AKAP19: variants seen among roughly 807,000 people sequenced by gnomAD.
AKAP19 encodes the protein A-kinase anchoring protein 19, also known as small A-kinase anchoring protein.
At chr2:189,954,222 G>A in the AKAP19 span, among the ~76,000 whole-genome samples, 2 of 152,172 alleles carry the variant, frequency 1.3e-5, no homozygotes, top group African/African-American at 2.4e-5. Context: ...TAAGAAAACA[G>A]CTATTTTCTC....
chr2:190,086,795 C>G, the AKAP19 span, among the ~76,000 whole-genome samples: 1 of 152,172 alleles, frequency 6.6e-6, no homozygotes, highest in Non-Finnish European at 1.5e-5. Flanking sequence ...GAGACATGGT[C>G]TTCCCTCTGT....
At chr2:189,989,660 C>T in the AKAP19 span, among the ~76,000 whole-genome samples, 4 of 151,952 alleles carry the variant, frequency 2.6e-5, no homozygotes, top group East Asian at 7.7e-4. Context: ...AATAATACAA[C>T]TATGACAAAT....
the AKAP19 span, among the ~76,000 whole-genome samples, chr2:190,020,119 A>AC: frequency 6.6e-6 from 1 of 152,200 alleles, no homozygotes; most frequent in Admixed American, 6.5e-5. Flanking sequence ...GACTGTTAGC[A>AC]CCAAGTCAGC....
At chr2:190,162,880 T>C in the AKAP19 span, among the ~76,000 whole-genome samples, 1 of 152,194 alleles carries the variant, frequency 6.6e-6, no homozygotes, top group South Asian at 2.1e-4. Context: ...AGAAATTATA[T>C]ATTTGTCTAG....
the AKAP19 span, among the ~76,000 whole-genome samples, chr2:189,898,376 G>A: frequency 1.3e-5 from 2 of 152,044 alleles, no homozygotes; most frequent in Admixed American, 6.6e-5. Flanking sequence ...CAGCTTATTG[G>A]TGATTTGAAA....
the AKAP19 span, among the ~76,000 whole-genome samples, chr2:189,938,142 C>T: frequency 3.3e-5 from 5 of 152,102 alleles, no homozygotes; most frequent in South Asian, 4.2e-4. Flanking sequence ...TCGAGACCAG[C>T]CTGGGCAACA....
chr2:190,170,971 C>T, the AKAP19 span, among the ~76,000 whole-genome samples: 1 of 152,140 alleles, frequency 6.6e-6, no homozygotes. Flanking sequence ...GAGCTAACCA[C>T]TCTCTTGGGA....
At chr2:189,972,261 T>C in the AKAP19 span, among the ~76,000 whole-genome samples, 1 of 152,244 alleles carries the variant, frequency 6.6e-6, no homozygotes, top group African/African-American at 2.4e-5. Context: ...TTTCTTGTTT[T>C]TGTCAGGTTT....
At chr2:190,139,615 G>C in the AKAP19 span, among the ~76,000 whole-genome samples, 1 of 152,224 alleles carries the variant, frequency 6.6e-6, no homozygotes, top group East Asian at 1.9e-4. Flanking sequence ...TAAGCAAAGA[G>C]GGAAAAGCTC....
the AKAP19 span, among the ~76,000 whole-genome samples, chr2:190,047,119 C>T: frequency 6.6e-6 from 1 of 152,292 alleles, no homozygotes; most frequent in African/African-American, 2.4e-5. Context: ...CATACAAGGA[C>T]ATACAAGCGG....
chr2:190,135,345 T>G, the AKAP19 span, among the ~76,000 whole-genome samples: 3 of 152,180 alleles, frequency 2.0e-5, no homozygotes, highest in African/African-American at 4.8e-5. Flanking sequence ...TTGTTTGAAA[T>G]GTAGAATCTC....
At chr2:189,928,524 T>C in the AKAP19 span, among the ~76,000 whole-genome samples, 1 of 152,162 alleles carries the variant, frequency 6.6e-6, no homozygotes, top group Non-Finnish European at 1.5e-5. Flanking sequence ...ATTTGCTTTA[T>C]GTAATTGGGT....
chr2:190,036,995 T>C, the AKAP19 span, among the ~76,000 whole-genome samples: 1 of 152,242 alleles, frequency 6.6e-6, no homozygotes, highest in Non-Finnish European at 1.5e-5. Flanking sequence ...ATCTATAGCA[T>C]AACACAATAA....
chr2:190,104,597 C>T, the AKAP19 span, among the ~76,000 whole-genome samples: 1 of 152,110 alleles, frequency 6.6e-6, no homozygotes, highest in African/African-American at 2.4e-5. Context: ...TGAGACCAGG[C>T]TGGGCAACAT....
At chr2:190,095,556 A>G in the AKAP19 span, 1 of 152,192 alleles carries the variant, frequency 6.6e-6, no homozygotes, top group Non-Finnish European at 1.5e-5. Flanking sequence ...CCTCACCAGA[A>G]CCTGACCATC....
chr2:190,120,766 T>C, the AKAP19 span, among the ~76,000 whole-genome samples: 3 of 152,214 alleles, frequency 2.0e-5, no homozygotes, highest in Non-Finnish European at 4.4e-5. Flanking sequence ...ATTTTTGCCT[T>C]TGATTATTAA....
the AKAP19 span, among the ~76,000 whole-genome samples, chr2:190,195,229 A>C: frequency 6.6e-6 from 1 of 152,216 alleles, no homozygotes; most frequent in African/African-American, 2.4e-5. Context: ...TTCACCAAGA[A>C]GGACATCTTG....
chr2:190,082,597 C>T, the AKAP19 span, among the ~76,000 whole-genome samples: 1 of 152,212 alleles, frequency 6.6e-6, no homozygotes, highest in Admixed American at 6.5e-5. Context: ...TTTTCACGGG[C>T]AGTTTTACTA....
At chr2:189,991,258 T>A in the AKAP19 span, among the ~76,000 whole-genome samples, 4 of 152,240 alleles carry the variant, frequency 2.6e-5, no homozygotes, top group Non-Finnish European at 4.4e-5. Context: ...TTTAGTTCTT[T>A]AAGGAAACTC....
Sources: gnomAD v4.1 joint callset for allele counts (sites outside exome capture counted in the v4.1 genomes callset) on GRCh38, gnomAD v4.1.1 for gene constraint, MANE v1.5 for transcripts, NCBI Gene and HGNC (gene_info 2026-07-23, HGNC 2026-07-21) for gene names.